The following LRP1B variants were observed in gnomAD, a reference collection of about 807,000 sequenced individuals.
LRP1B encodes the protein low-density lipoprotein receptor-related protein 1B.
A neutral mutation model predicts 556.6 loss-of-function variants in LRP1B; 217 were observed. The observed-to-expected ratio is 0.39, with a 90% confidence interval of 0.35 to 0.44. The LOEUF (loss-of-function observed/expected upper bound fraction) is 0.44. Among genes scored for constraint, LRP1B ranks in the 20% least tolerant of loss-of-function variants. The probability of loss-of-function intolerance (pLI) is 1.00; values close to 1 mark genes in which losing one functional copy is unlikely to be tolerated. For synonymous variants in LRP1B, 2,047 were observed against 1,865.8 expected (o/e 1.10, Z -2.50); for missense variants, 5,053 against 5,620.8 (o/e 0.90, Z 3.23).
chr2:141,343,828 G>A (rs1418944085), intron 3 of LRP1B, among the ~76,000 whole-genome samples: 1 of 152,130 alleles, frequency 6.6e-6, no homozygotes, highest in Non-Finnish European at 1.5e-5. Flanking sequence ...AATAATAGAA[G>A]AAAATGTTCT....
chr2:141,258,554 A>T (rs1485830333), intron 3 of LRP1B, among the ~76,000 whole-genome samples: 2 of 152,162 alleles, frequency 1.3e-5, no homozygotes, highest in Non-Finnish European at 2.9e-5. Context: ...CCTGACACAG[A>T]TCCACTTTGT....
intron 2 of LRP1B, among the ~76,000 whole-genome samples, chr2:141,604,291 G>A (rs1687844286): frequency 6.6e-6 from 1 of 152,112 alleles, no homozygotes; most frequent in African/African-American, 2.4e-5. Context: ...GAAATGTTAT[G>A]CCATGTTATA....
intron 60 of LRP1B, among the ~76,000 whole-genome samples, chr2:140,460,371 C>T (rs1687267673): frequency 6.6e-6 from 1 of 152,060 alleles, no homozygotes; most frequent in Non-Finnish European, 1.5e-5. Flanking sequence ...ACAGGAAGTA[C>T]ATGGAGCTAA....
At chr2:141,690,804 G>C (rs991023772) in intron 2 of LRP1B, among the ~76,000 whole-genome samples, 1 of 151,568 alleles carries the variant, frequency 6.6e-6, no homozygotes, top group Non-Finnish European at 1.5e-5. Context: ...GTTTGATTCT[G>C]AGCTAATTTG....
intron 2 of LRP1B, among the ~76,000 whole-genome samples, chr2:141,591,680 T>C (rs1687347409): frequency 6.6e-6 from 1 of 151,816 alleles, no homozygotes; most frequent in Non-Finnish European, 1.5e-5. Context: ...AGACCTAAAT[T>C]TAGTTCTCAA....
At chr2:141,349,544 C>G (rs1688373735) in intron 3 of LRP1B, among the ~76,000 whole-genome samples, 1 of 152,092 alleles carries the variant, frequency 6.6e-6, no homozygotes, top group South Asian at 2.1e-4. Flanking sequence ...GACAAACTCT[C>G]TCTTCCCCTA....
intron 41 of LRP1B, among the ~76,000 whole-genome samples, chr2:140,659,098 GTTTTTTTTTTTT>G (rs59651364): frequency 9.8e-5 from 6 of 61,098 alleles, no homozygotes; most frequent in Admixed American, 3.0e-4. Flanking sequence ...CTGTAAATCT[GTTTTTTTTTTTT>G]TTTTTTTTTT....
At chr2:140,735,492 A>C (rs1216189478) in intron 35 of LRP1B, among the ~76,000 whole-genome samples, 1 of 152,162 alleles carries the variant, frequency 6.6e-6, no homozygotes, top group Non-Finnish European at 1.5e-5. Context: ...AGCTCCAGAG[A>C]GGTTCAAATG....
chr2:140,654,852 T>C (rs1684820211), intron 41 of LRP1B, among the ~76,000 whole-genome samples: 2 of 152,204 alleles, frequency 1.3e-5, no homozygotes, highest in Non-Finnish European at 2.9e-5. Context: ...TATTGTTCAC[T>C]CAACTCTATG....
chr2:140,417,621 A>G (rs978192452), intron 66 of LRP1B, among the ~76,000 whole-genome samples: 1 of 152,186 alleles, frequency 6.6e-6, no homozygotes, highest in Non-Finnish European at 1.5e-5. Context: ...ACATATCAGG[A>G]AAATTAAGTA....
At chr2:141,650,005 C>G (rs1689725218) in intron 2 of LRP1B, among the ~76,000 whole-genome samples, 1 of 152,132 alleles carries the variant, frequency 6.6e-6, no homozygotes, top group South Asian at 2.1e-4. Context: ...CATGGTGAAA[C>G]CCTGTCTCTA....
At chr2:140,704,930 T>C (rs112034111) in intron 37 of LRP1B, among the ~76,000 whole-genome samples, 5 of 152,296 alleles carry the variant, frequency 3.3e-5, no homozygotes, top group African/African-American at 1.2e-4. Flanking sequence ...AATGTGTTTA[T>C]TGCTATTAAA....
chr2:141,191,175 C>A (rs1681488425), intron 6 of LRP1B, among the ~76,000 whole-genome samples: 2 of 151,958 alleles, frequency 1.3e-5, no homozygotes, highest in Admixed American at 1.3e-4. Context: ...TCAGGCTCAA[C>A]CATCTCTTTG....
At chr2:140,697,524 G>T (rs1686475000) in intron 41 of LRP1B, among the ~76,000 whole-genome samples, 1 of 151,848 alleles carries the variant, frequency 6.6e-6, no homozygotes, top group African/African-American at 2.4e-5. Context: ...ATAGCCAATT[G>T]TAGAAACAAC....
At position 140,322,192 on chromosome 2, in the gene LRP1B, AG is replaced by A. The variant is rs1680176986; in HGVS notation, c.12515-105del. On this transcript the variant is annotated intron_variant, in intron 81 of 90. Coordinates refer to ENST00000389484, the MANE Select transcript of LRP1B (RefSeq NM_018557.3). ...AAATGATTAATTAGCAATGTTGAAA[AG>A]TAATCACATTAAATTTCCACTGATG... The A allele has an allele frequency of 1.7e-5, 19 of 1,105,852 alleles. No homozygotes were observed. In the Admixed American group the frequency reaches 3.1e-4, roughly 18 times the overall value. 68.5% of individuals were successfully genotyped at this position (1,105,852 alleles called of 1,614,324 possible).
At chr2:141,338,433 G>A (rs1417424524) in intron 3 of LRP1B, among the ~76,000 whole-genome samples, 1 of 152,164 alleles carries the variant, frequency 6.6e-6, no homozygotes, top group African/African-American at 2.4e-5. Context: ...GCTCTGTGCT[G>A]CATTGAGGTC....
chr2:140,739,398 A>T (rs1025051870), intron 35 of LRP1B, among the ~76,000 whole-genome samples: 16 of 152,074 alleles, frequency 1.1e-4, no homozygotes, highest in African/African-American at 3.9e-4. Context: ...GTACAATAAA[A>T]CAGAAATAGA....
chr2:142,031,113 A>C (rs12617322), intron 1 of LRP1B, among the ~76,000 whole-genome samples: 5,324 of 151,882 alleles, frequency 0.035, 241 homozygotes, highest in East Asian at 0.2. Flanking sequence ...ATCTTCACAC[A>C]AGTCTTCTGT....
intron 41 of LRP1B, among the ~76,000 whole-genome samples, chr2:140,675,024 G>A (rs1685622396): frequency 6.6e-6 from 1 of 152,196 alleles, no homozygotes; most frequent in Admixed American, 6.5e-5. Flanking sequence ...TCTAGAGGCT[G>A]ATGGTATTAT....
Sources: gnomAD v4.1 joint callset for allele counts (sites outside exome capture counted in the v4.1 genomes callset) on GRCh38, gnomAD v4.1.1 for gene constraint, MANE v1.5 for transcripts, NCBI Gene and HGNC (gene_info 2026-07-23, HGNC 2026-07-21) for gene names.